NDUFS1: variants seen among roughly 807,000 people sequenced by gnomAD.
NDUFS1 encodes the protein NADH-ubiquinone oxidoreductase 75 kDa subunit, mitochondrial.
NDUFS1 carries 61 observed loss-of-function variants against 84.4 expected under a neutral mutation model. The observed-to-expected ratio is 0.72, with a 90% CI of 0.59 to 0.89. The LOEUF (loss-of-function observed/expected upper bound fraction) is 0.89. Ranked by LOEUF, NDUFS1 falls within the 40% of genes least tolerant of loss-of-function variation. NDUFS1 has a pLI of 0.00. For missense variants in NDUFS1, 891 were observed against 890.0 expected (o/e 1.00, Z -0.01); for synonymous variants, 275 against 290.0 (o/e 0.95, Z 0.53).
chr2:206,129,716 C>T (rs1446022433), intron 15 of NDUFS1, among the ~76,000 whole-genome samples: 2 of 151,732 alleles, frequency 1.3e-5, no homozygotes, highest in East Asian at 1.9e-4. Context: ...CTTAGCCTCC[C>T]GAGTAGCTGG....
rs554221254 is a variant in NDUFS1, at chr2:206,129,748, C to T, written c.1708+340G>A. On this transcript the variant is annotated intron_variant, in intron 15 of 18. Transcript: ENST00000233190. ...CTGGGATTACAGGCGCCCGCCACCA[C>T]GCTCGGCTAATTTTTATGTTTTTAG... Among the ~76,000 whole-genome samples, 5 of 152,012 alleles carry T rather than the reference C, an allele frequency of 3.3e-5. No homozygotes were observed. The South Asian group carries it at 6.2e-4, about 19-fold the overall frequency.
chr2:206,146,194 G>C (rs1365796290), intron 8 of NDUFS1, among the ~76,000 whole-genome samples: 1 of 152,148 alleles, frequency 6.6e-6, no homozygotes, highest in African/African-American at 2.4e-5. Context: ...GAACTCCTAA[G>C]AAGCCTCACT....
intron 1 of NDUFS1, among the ~76,000 whole-genome samples, chr2:206,156,153 C>A (rs1308055958): frequency 6.6e-6 from 1 of 150,550 alleles, no homozygotes; most frequent in East Asian, 2.0e-4. Context: ...GTCCCAGCTA[C>A]TGGGGAGGCT....
chr2:206,147,134 T>G (rs747947211), intron 7 of NDUFS1, 46 bp from the exon 8 acceptor site: 7 of 1,569,576 alleles, frequency 4.5e-6, no homozygotes, highest in Non-Finnish European at 6.1e-6. Flanking sequence ...CCAGCAAAAT[T>G]ATTTCCTTTC....
At chr2:206,125,012 C>T (rs1691234300) in intron 18 of NDUFS1, among the ~76,000 whole-genome samples, 1 of 151,870 alleles carries the variant, frequency 6.6e-6, no homozygotes, top group Non-Finnish European at 1.5e-5. Context: ...TGAATAATCT[C>T]ACTTTTTTTT....
At chr2:206,154,240 C>A (rs1254928773) in intron 1 of NDUFS1, among the ~76,000 whole-genome samples, 1 of 152,246 alleles carries the variant, frequency 6.6e-6, no homozygotes, top group East Asian at 1.9e-4. Flanking sequence ...CCGTTCTGCC[C>A]TCACTGCATT....
At chr2:206,139,116 C>G (rs1220488025) in intron 12 of NDUFS1, among the ~76,000 whole-genome samples, 1 of 139,636 alleles carries the variant, frequency 7.2e-6, no homozygotes, top group Non-Finnish European at 1.6e-5. Context: ...AACTCCACCT[C>G]AAAATAAAAA....
In NDUFS1 at chr2:206,116,493, A is replaced by G; in HGVS notation, c.*7692T>C. The G allele has an allele frequency of 8.2e-7, 1 of 1,214,932 alleles. No individual in the cohort carries two copies. The highest frequency in any genetic ancestry group is 1.2e-6 in the Non-Finnish European group (1 of 857,212). The allele number at this position is 1,214,932 out of a possible 1,614,324, so 75.3% of individuals were successfully genotyped here. A position where few individuals can be genotyped will look rare whatever the true frequency, so the allele number is the denominator to read the frequency against. ...GGCCCGCACGCTCCGCACCACTCGC[A>G]GCGCCATGTTCCCAGGGGTGCGGGG... On this transcript the variant is annotated 3_prime_UTR_variant, in exon 19 of 19. Transcript: ENST00000233190.
chr2:206,136,033 CTT>C (rs771696304), intron 13 of NDUFS1, among the ~76,000 whole-genome samples: 1 of 142,116 alleles, frequency 7.0e-6, no homozygotes, highest in Non-Finnish European at 1.5e-5. Flanking sequence ...ACTGCATCAG[CTT>C]TTTTTTTTTT....
In NDUFS1 at chr2:206,132,963, A is replaced by G; in HGVS notation, c.1535T>C (p.Val512Ala). 6.2e-7 allele frequency: 1 copy of G among 1,613,924 alleles called. No homozygotes were observed. The highest frequency in any genetic ancestry group is 1.1e-5 in the South Asian group (1 of 91,060). The change falls in exon 14 of 19, where the codon GTT (valine) becomes GCT (alanine). Residue 512 changes from valine (V) to alanine (A), a missense_variant. Physicochemically the swap from Val to Ala is moderately conservative, Grantham distance 64. Transcript: ENST00000233190. ...AACAAACCTATGAAGGATATTCATA[A>G]CTTTCCAATCACCAGTAACACCACT... is the stretch of plus-strand genomic sequence containing the variant. The part of the protein sequence containing the change: ...MTSGVTGDWK[V>A]MNILHRIASQ...
At chr2:206,158,911 T>C (rs1234956850) in intron 1 of NDUFS1, among the ~76,000 whole-genome samples, 1 of 152,216 alleles carries the variant, frequency 6.6e-6, no homozygotes, top group African/African-American at 2.4e-5. Context: ...GAGCCATTGC[T>C]AACACAACAG....
intron 1 of NDUFS1, among the ~76,000 whole-genome samples, chr2:206,158,411 T>C (rs1027108215): frequency 2.0e-4 from 30 of 152,346 alleles, no homozygotes; most frequent in African/African-American, 5.5e-4. Flanking sequence ...CTCAGTTTCA[T>C]TGACCAGGCT....
chr2:206,152,354 G>A, intron 3 of NDUFS1, 65 bp downstream of exon 3: 1 of 1,172,832 alleles, frequency 8.5e-7, no homozygotes, highest in Non-Finnish European at 1.3e-6. Context: ...CAGTATAAAG[G>A]AAATAAATTA....
intron 5 of NDUFS1, among the ~76,000 whole-genome samples, chr2:206,148,110 A>G (rs370157689): frequency 9.2e-5 from 14 of 152,170 alleles, no homozygotes; most frequent in South Asian, 4.1e-4. Context: ...TTTTTAGTAG[A>G]GGCAGGGTTT....
rs367723817 is a variant in NDUFS1 at position 206,140,943 on chromosome 2, T to TATATACACACACACACACACACACAC, written c.1262+997_1262+998insGTGTGTGTGTGTGTGTGTGTGTATAT. Among the ~76,000 whole-genome samples the TATATACACACACACACACACACACAC allele has an allele frequency of 2.6e-4, 35 of 136,138 alleles. 1 individual carries two copies. Among genetic ancestry groups the TATATACACACACACACACACACACAC allele is most frequent in the African/African-American group, 8.1e-4 (29 of 35,990 alleles). The allele number at this position is 136,138 out of a possible 152,430, so 89.3% of individuals were successfully genotyped here. A position where few individuals can be genotyped will look rare whatever the true frequency, so the allele number is the denominator to read the frequency against. On this transcript the variant is annotated intron_variant, in intron 12 of 18. Transcript: ENST00000233190. ...GTGTGTATATATATATATATATATA[T>TATATACACACACACACACACACACAC]ACACACACACTGAGAATCATAATAC... is the stretch of plus-strand genomic sequence containing the variant.
intron 10 of NDUFS1, 71 bp from the exon 11 acceptor site, chr2:206,142,902 A>C: frequency 6.3e-7 from 1 of 1,577,388 alleles, no homozygotes; most frequent in Non-Finnish European, 8.6e-7. Context: ...ATGTTCAGAA[A>C]ATAAAACAGT....
At chr2:206,124,495 C>G (rs1004417057) in intron 18 of NDUFS1, among the ~76,000 whole-genome samples, 2 of 152,066 alleles carry the variant, frequency 1.3e-5, no homozygotes, top group Non-Finnish European at 2.9e-5. Context: ...TATAGAGCAG[C>G]TAGACAGTGC....
intron 12 of NDUFS1, among the ~76,000 whole-genome samples, chr2:206,139,973 C>T (rs1691873769): frequency 6.7e-6 from 1 of 148,686 alleles, no homozygotes; most frequent in Non-Finnish European, 1.5e-5. Flanking sequence ...AAAAAAATTG[C>T]TATAAAAGAA....
Position 206,159,437 on chromosome 2 carries a change from C to G in NDUFS1, c.-101G>C, listed in dbSNP as rs983757976. ...CGCTTATTCAATATGGCGGCCTCGG[C>G]TAACTCTGTCAGCCGGGCCTGGAGA... On this transcript the variant is annotated 5_prime_UTR_variant, in exon 1 of 19. Coordinates refer to ENST00000233190, the MANE Select transcript of NDUFS1 (RefSeq NM_005006.7). The G allele has an allele frequency of 6.8e-6, 3 of 443,046 alleles. No homozygotes were observed. Among genetic ancestry groups the G allele is most frequent in the African/African-American group, 4.0e-5 (2 of 50,498 alleles). The allele number at this position is 443,046 out of a possible 1,614,324, so 27.4% of individuals were successfully genotyped here.
Sources: allele counts gnomAD v4.1 joint callset (sites outside exome capture counted in the v4.1 genomes callset), GRCh38; gene constraint gnomAD v4.1.1; transcripts MANE v1.5; gene names NCBI Gene and HGNC (gene_info 2026-07-23, HGNC 2026-07-21).